The following TMEM135 variants were observed in gnomAD, a reference collection of about 807,000 sequenced individuals.
The protein encoded by TMEM135 is transmembrane protein 135.
Under a neutral mutation model 60.3 loss-of-function variants are expected in TMEM135, and 30 were observed. The observed-to-expected ratio is 0.50, with a 90% CI of 0.37 to 0.68. The LOEUF (loss-of-function observed/expected upper bound fraction) is 0.68, where lower values mean the gene tolerates loss of function less well. Among genes scored for constraint, TMEM135 ranks in the 30% least tolerant of loss-of-function variants. TMEM135 has a pLI of 0.00. For missense variants in TMEM135, 468 were observed against 548.8 expected (o/e 0.85, Z 1.47); for synonymous variants, 190 against 186.7 (o/e 1.02, Z -0.14).
chr11:87,317,476 C>T (rs1942753004), intron 12 of TMEM135, among the ~76,000 whole-genome samples: 1 of 152,116 alleles, frequency 6.6e-6, no homozygotes, highest in African/African-American at 2.4e-5. Flanking sequence ...ATTTAATCCT[C>T]AGTATATACT....
At chr11:87,073,771 G>A (rs1215903710) in intron 3 of TMEM135, among the ~76,000 whole-genome samples, 1 of 151,850 alleles carries the variant, frequency 6.6e-6, no homozygotes, top group Non-Finnish European at 1.5e-5. Flanking sequence ...AGGTTCAAGC[G>A]ATTCTCCTGC....
At chr11:87,285,056 G>T (rs1942138562) in intron 6 of TMEM135, among the ~76,000 whole-genome samples, 1 of 152,006 alleles carries the variant, frequency 6.6e-6, no homozygotes, top group Non-Finnish European at 1.5e-5. Flanking sequence ...TTAGAATATT[G>T]AACATTTTTC....
At chr11:87,305,044 A>G (rs1942515987) in intron 8 of TMEM135, among the ~76,000 whole-genome samples, 1 of 152,208 alleles carries the variant, frequency 6.6e-6, no homozygotes, top group African/African-American at 2.4e-5. Context: ...CAAATTAGCT[A>G]CTTTTGAATT....
chr11:87,237,026 G>T (rs1375556862), intron 6 of TMEM135, among the ~76,000 whole-genome samples: 2 of 151,858 alleles, frequency 1.3e-5, no homozygotes, highest in African/African-American at 4.8e-5. Context: ...TTTTCACTCT[G>T]CTTGTAAAAC....
chr11:87,123,159 A>G lies in TMEM135; in HGVS notation c.396+31764A>G, dbSNP rs974473810. On this transcript the variant is annotated intron_variant, in intron 4 of 14. Coordinates refer to ENST00000305494, the MANE Select transcript of TMEM135 (RefSeq NM_022918.4). Reference sequence around the variant, plus strand: ...TTAAAACTGTTTATGTTAGTCTTCTAGGGCTGCTGTAACAAATTATCACAA... The same window carrying G: ...TTAAAACTGTTTATGTTAGTCTTCTGGGGCTGCTGTAACAAATTATCACAA... Among the ~76,000 whole-genome samples the G allele has an allele frequency of 4.6e-5, 7 of 152,220 alleles. No individual in the cohort carries two copies. In the East Asian group the frequency reaches 1.3e-3, roughly 29 times the overall value.
chr11:87,106,741 A>G (rs184956460), intron 4 of TMEM135, among the ~76,000 whole-genome samples: 239 of 152,302 alleles, frequency 1.6e-3, no homozygotes, highest in Non-Finnish European at 2.5e-3. Flanking sequence ...TATTGGTTGT[A>G]TAAGGCCATT....
chr11:87,247,403 T>G (rs1941307411), intron 6 of TMEM135, among the ~76,000 whole-genome samples: 1 of 152,200 alleles, frequency 6.6e-6, no homozygotes, highest in South Asian at 2.1e-4. Flanking sequence ...CAGGGATATT[T>G]AAGTCTGCAC....
intron 5 of TMEM135, among the ~76,000 whole-genome samples, chr11:87,186,339 A>G (rs182786153): frequency 4.0e-4 from 61 of 152,290 alleles, no homozygotes; most frequent in African/African-American, 1.4e-3. Flanking sequence ...CATCTTGTAT[A>G]GCTCCTGGCC....
At position 87,311,000 on chromosome 11, in the gene TMEM135, TTATAAA is replaced by T. The variant is rs199912024; in HGVS notation, c.936+1333_936+1338del. Among the ~76,000 whole-genome samples, 51 of 151,718 alleles carry T rather than the reference TTATAAA, an allele frequency of 3.4e-4. No homozygotes were observed. The East Asian group carries it at 8.5e-3, about 25-fold the overall frequency. On this transcript the variant is annotated intron_variant, in intron 10 of 14. Transcript: ENST00000305494. Reference sequence around the variant, plus strand: ...TACCTTCCCTCTGTCTACAAAAAAATTATAAATATATATTTTATTCATACTTTATTT... The same window carrying T: ...TACCTTCCCTCTGTCTACAAAAAAATTATATATTTTATTCATACTTTATTT...
At chr11:87,180,640 C>T (rs1939491759) in intron 5 of TMEM135, among the ~76,000 whole-genome samples, 1 of 152,036 alleles carries the variant, frequency 6.6e-6, no homozygotes, top group Non-Finnish European at 1.5e-5. Flanking sequence ...CCATCTTTGT[C>T]CTAGATTGGC....
intron 5 of TMEM135, among the ~76,000 whole-genome samples, chr11:87,188,649 G>A (rs1189036048): frequency 6.6e-6 from 1 of 151,314 alleles, no homozygotes; most frequent in Admixed American, 6.6e-5. Context: ...GGTTGCAGTG[G>A]GCCAGGATCG....
chr11:87,205,424 G>T (rs1423401157), intron 5 of TMEM135, among the ~76,000 whole-genome samples: 1 of 152,126 alleles, frequency 6.6e-6, no homozygotes, highest in Non-Finnish European at 1.5e-5. Flanking sequence ...TGGAAGAATT[G>T]AATACTAAGA....
At chr11:87,232,241 G>A (rs950575106) in intron 5 of TMEM135, among the ~76,000 whole-genome samples, 5 of 152,070 alleles carry the variant, frequency 3.3e-5, no homozygotes, top group South Asian at 2.1e-4. Context: ...ATGAGCCATC[G>A]CGCCTGGCCA....
chr11:87,124,258 G>A (rs982229007), intron 4 of TMEM135, among the ~76,000 whole-genome samples: 3 of 152,146 alleles, frequency 2.0e-5, no homozygotes, highest in Admixed American at 6.5e-5. Flanking sequence ...AAAGAGTCGA[G>A]TCTCAGGAAA....
At chr11:87,304,662 C>T (rs148654195) in intron 8 of TMEM135, among the ~76,000 whole-genome samples, 1 of 152,284 alleles carries the variant, frequency 6.6e-6, no homozygotes, top group Admixed American at 6.5e-5. Context: ...AGCTGTAGTG[C>T]AGAATTGGAT....
chr11:87,161,497 T>A (rs570163158), intron 5 of TMEM135, among the ~76,000 whole-genome samples: 2 of 152,294 alleles, frequency 1.3e-5, no homozygotes, highest in South Asian at 4.1e-4. Context: ...ATTGGTGTTT[T>A]TTCATTTGGT....
At chr11:87,063,443 GTATCTGA>G (rs924012983) in intron 1 of TMEM135, among the ~76,000 whole-genome samples, 1 of 152,138 alleles carries the variant, frequency 6.6e-6, no homozygotes, top group Admixed American at 6.5e-5. Context: ...GTTTCTGAAG[GTATCTGA>G]TATCTGATGA....
chr11:87,114,660 T>C (rs1471903670), intron 4 of TMEM135, among the ~76,000 whole-genome samples: 1 of 152,206 alleles, frequency 6.6e-6, no homozygotes, highest in Non-Finnish European at 1.5e-5. Context: ...AAACATGTAT[T>C]CATTTTTAAC....
At chr11:87,101,724 C>CA (rs1857460694) in intron 4 of TMEM135, among the ~76,000 whole-genome samples, 1 of 152,250 alleles carries the variant, frequency 6.6e-6, no homozygotes, top group East Asian at 1.9e-4. Flanking sequence ...CCTATAATCC[C>CA]AGCACTTTGG....
Sources: allele counts gnomAD v4.1 joint callset (sites outside exome capture counted in the v4.1 genomes callset), GRCh38; gene constraint gnomAD v4.1.1; transcripts MANE v1.5; gene names NCBI Gene and HGNC (gene_info 2026-07-23, HGNC 2026-07-21).